Variants in ZNF777 observed in about 807,000 individuals in gnomAD.
ZNF777 encodes the protein zinc finger protein 777.
In ZNF777, 7 loss-of-function variants were observed where a neutral mutation model predicts 72.1. The ratio of observed to expected loss-of-function variants is 0.10; its 90% CI spans 0.06 to 0.18. ZNF777 has a LOEUF of 0.18. ZNF777 is among the 10% of genes least tolerant of loss of function. The probability of loss-of-function intolerance (pLI) is 1.00; values close to 1 mark genes in which losing one functional copy is unlikely to be tolerated. For missense variants in ZNF777, 828 were observed against 1,128.6 expected (o/e 0.73, Z 3.82); for synonymous variants, 545 against 483.5 (o/e 1.13, Z -1.67).
chr7:149,436,746 T>C lies in ZNF777; in HGVS notation c.1168A>G (p.Met390Val), dbSNP rs755683532. 8.7e-6 allele frequency: 14 copies of C among 1,614,150 alleles called. No homozygotes were observed. The highest frequency in any genetic ancestry group is 1.1e-5 in the Non-Finnish European group (13 of 1,180,030). ...SESLETPEPL[M>V]GQVEEHGFQD... ...AAGCCGTGCTCTTCCACCTGTCCCA[T>C]CAGGGGCTCAGGTGTCTCCAAACTT... The change falls in exon 5 of 6, where the codon ATG becomes GTG. Residue 390 changes from methionine to valine, a missense_variant. Around this residue, in one of 12 missense-constraint regions of ZNF777, gnomAD observed 219 missense variants for 223.0 expected, o/e 0.98. Transcript: ENST00000247930. The surrounding 1 kb of genome is among the most constrained non-coding windows in gnomAD (Gnocchi z 5.0).
At chr7:149,441,625 A>C (rs1300544960) in intron 4 of ZNF777, among the ~76,000 whole-genome samples, 3 of 152,182 alleles carry the variant, frequency 2.0e-5, no homozygotes, top group Non-Finnish European at 4.4e-5. Flanking sequence ...TTGGTTTTTA[A>C]TCTTTGTAAT....
At chr7:149,451,320 G>A (rs150537871) in intron 3 of ZNF777, among the ~76,000 whole-genome samples, 58 of 152,150 alleles carry the variant, frequency 3.8e-4, no homozygotes, top group African/African-American at 1.3e-3. Flanking sequence ...TAGAGGGATC[G>A]TGTTGCTCAG....
chr7:149,435,529 T>A (rs779473103), intron 5 of ZNF777, among the ~76,000 whole-genome samples: 2 of 152,160 alleles, frequency 1.3e-5, no homozygotes, highest in African/African-American at 2.4e-5. Flanking sequence ...GGGTATTTTA[T>A]TAAGTGCAAA....
At chr7:149,458,930 C>T (rs1456429332) in intron 1 of ZNF777, among the ~76,000 whole-genome samples, 1 of 152,188 alleles carries the variant, frequency 6.6e-6, no homozygotes, top group Non-Finnish European at 1.5e-5. Flanking sequence ...CCCGACGGAT[C>T]AGGAGTGGAT....
At chr7:149,444,175 T>C (rs758496575) in intron 4 of ZNF777, among the ~76,000 whole-genome samples, 21 of 152,334 alleles carry the variant, frequency 1.4e-4, no homozygotes, top group Non-Finnish European at 2.9e-4. Context: ...CTAGATTATA[T>C]CAATGTTATT....
At chr7:149,449,132 C>T (rs535307354) in intron 4 of ZNF777, among the ~76,000 whole-genome samples, 1 of 152,334 alleles carries the variant, frequency 6.6e-6, no homozygotes, top group East Asian at 1.9e-4. Context: ...GCAGAACCAG[C>T]CTGCAATGGC....
Position 149,432,832 on chromosome 7 carries a change from C to A in ZNF777, c.1440G>T (p.Gly480=), listed in dbSNP as rs754824361. Residue 480 remains glycine (G), a synonymous_variant, in exon 6 of 6, where the codon GGG becomes GGT. Coordinates refer to ENST00000247930, the MANE Select transcript of ZNF777 (RefSeq NM_015694.3). ...QHLQSLGQLS[G]RYEASMYQTP... is the part of the protein sequence containing the mutation. ...TCTGGTACATACTGGCCTCATATCT[C>A]CCGGACAGCTGCCCAAGGGATTGCA... 6.3e-7 allele frequency: 1 copy of A among 1,595,146 alleles called. No homozygotes were observed. The highest frequency in any genetic ancestry group is 8.6e-7 in the Non-Finnish European group (1 of 1,168,400).
intron 3 of ZNF777, 22 bp from the exon 4 acceptor site, chr7:149,451,134 A>C: frequency 6.2e-7 from 1 of 1,603,408 alleles, no homozygotes; most frequent in East Asian, 2.2e-5. Flanking sequence ...AAAGGGAAAA[A>C]AATATGCTCT....
chr7:149,458,609 C>T (rs1263815476), intron 1 of ZNF777, among the ~76,000 whole-genome samples: 1 of 152,178 alleles, frequency 6.6e-6, no homozygotes, highest in Non-Finnish European at 1.5e-5. Flanking sequence ...CAAATCAGAG[C>T]TCAAAGGAAA....
Position 149,432,379 on chromosome 7 carries a change from A to G in ZNF777, c.1893T>C (p.Gly631=). ...PKSPSSGSGG[G]GPKPYKCPEC... ...CGGGGCACTTGTAGGGCTTAGGGCC[A>G]CCGCCGCCGCTACCAGAGCTGGGTG... The change falls in exon 6 of 6, where the codon GGT becomes GGC. Residue 631 remains glycine (G), a synonymous_variant. Transcript: ENST00000247930. 1 of 1,612,808 alleles carries G rather than the reference A, an allele frequency of 6.2e-7. No individual in the cohort carries two copies. The highest frequency in any genetic ancestry group is 8.5e-7 in the Non-Finnish European group (1 of 1,179,946).
Position 149,436,647 on chromosome 7 carries a change from C to T in ZNF777, c.1267G>A (p.Glu423Lys). The change falls in exon 5 of 6, where the codon GAG becomes AAG. Residue 423 changes from glutamate to lysine, a missense_variant. By Grantham distance (56) the Glu-to-Lys change is moderately conservative (BLOSUM62 1). Coordinates refer to ENST00000247930, the MANE Select transcript of ZNF777 (RefSeq NM_015694.3). This position sits in a 1 kb window ranked among gnomAD's most constrained non-coding sequence, Gnocchi z 5.0. ...TCGCTGGAGCCTTCCGTGGACTCCT[C>T]CAGCGTGTTCTCTGGCTCCTGCATG... The part of the protein sequence containing the change: ...LDMQEPENTL[E>K]ESTEGSSEFS... The T allele has an allele frequency of 1.2e-6, 2 of 1,614,006 alleles. No homozygotes were observed. Among genetic ancestry groups the T allele is most frequent in the South Asian group, 1.1e-5 (1 of 91,090 alleles).
intron 4 of ZNF777, among the ~76,000 whole-genome samples, chr7:149,446,364 A>G (rs1799602723): frequency 6.6e-6 from 1 of 152,164 alleles, no homozygotes; most frequent in Non-Finnish European, 1.5e-5. Flanking sequence ...AACAAGAGCG[A>G]AACTCCATCT....
In ZNF777 at chr7:149,460,382, C is replaced by T. The variant is rs1799926536; in HGVS notation, c.-16+433G>A. On this transcript the variant is annotated intron_variant, in intron 1 of 5. Transcript: ENST00000247930. The surrounding 1 kb of genome is among the most constrained non-coding windows in gnomAD (Gnocchi z 6.1). ...CGAGCGGCGGCGTCGGAGCTGGGCG[C>T]GCGGCTGTGCGGGCGGCCCGGCCGG... is the stretch of plus-strand genomic sequence containing the variant. Among the ~76,000 whole-genome samples, 1 of 145,670 alleles carries T rather than the reference C, an allele frequency of 6.9e-6. No individual in the cohort carries two copies. Among genetic ancestry groups the T allele is most frequent in the African/African-American group, 2.5e-5 (1 of 40,654 alleles).
chr7:149,451,186 G>T lies in ZNF777; in HGVS notation c.974-74C>A, dbSNP rs141676346. On this transcript the variant is annotated intron_variant, in intron 3 of 5. Coordinates refer to ENST00000247930, the MANE Select transcript of ZNF777 (RefSeq NM_015694.3). ...GGATGTTGTTAAGGTATCATCTGTGGGCACGTGATTCCAGGAGCAGCTCCT... is the reference window on the plus strand; with the variant it reads ...GGATGTTGTTAAGGTATCATCTGTGTGCACGTGATTCCAGGAGCAGCTCCT... The T allele has an allele frequency of 1.3e-5, 17 of 1,318,164 alleles. No homozygotes were observed. In the East Asian group the frequency reaches 3.3e-4, roughly 25 times the overall value. 81.7% of individuals were successfully genotyped at this position (1,318,164 alleles called of 1,614,324 possible). A position where few individuals can be genotyped will look rare whatever the true frequency, so the allele number is the denominator to read the frequency against.
At chr7:149,454,320 C>T in intron 2 of ZNF777, 83 bp from the exon 3 acceptor site, 1 of 1,574,332 alleles carries the variant, frequency 6.4e-7, no homozygotes, top group Non-Finnish European at 8.7e-7. Flanking sequence ...GCCCAAACTC[C>T]TGGCTCTGGG....
At position 149,432,556 on chromosome 7, in the gene ZNF777, C is replaced by A; in HGVS notation, c.1716G>T (p.Gly572=). The A allele has an allele frequency of 6.2e-7, 1 of 1,613,780 alleles. No homozygotes were observed. Among genetic ancestry groups the A allele is most frequent in the South Asian group, 1.1e-5 (1 of 91,082 alleles). Reference sequence around the variant, plus strand: ...TCTCGCATTCGGCGCACTCGTAGGGCCCCTCCTTGATGTGGTTGCGCTGGT... The same window carrying A: ...TCTCGCATTCGGCGCACTCGTAGGGACCCTCCTTGATGTGGTTGCGCTGGT... The part of the protein sequence containing the change: ...IIHQRNHIKE[G]PYECAECEIS... The change falls in exon 6 of 6, where the codon GGG becomes GGT. Residue 572 remains glycine, a synonymous_variant. Transcript: ENST00000247930.
chr7:149,441,952 G>A (rs1003116385), intron 4 of ZNF777, among the ~76,000 whole-genome samples: 3 of 151,554 alleles, frequency 2.0e-5, no homozygotes, highest in African/African-American at 4.8e-5. Context: ...CACTTGATAC[G>A]AAACCCAGAT....
chr7:149,437,911 G>A (rs555047866), intron 4 of ZNF777, among the ~76,000 whole-genome samples: 120 of 144,774 alleles, frequency 8.3e-4, no homozygotes, highest in African/African-American at 2.4e-3. Flanking sequence ...ACGGAGTCTC[G>A]CTCTGTTGCC....
At chr7:149,452,632 C>CAAA (rs869183800) in intron 3 of ZNF777, among the ~76,000 whole-genome samples, 3 of 72,978 alleles carry the variant, frequency 4.1e-5, no homozygotes, top group African/African-American at 1.1e-4. Flanking sequence ...GACTCTGTCT[C>CAAA]AAAAAAAAAA....
Sources: allele counts gnomAD v4.1 joint callset (sites outside exome capture counted in the v4.1 genomes callset), GRCh38; gene constraint gnomAD v4.1.1; regional missense constraint gnomAD v4.1.1; non-coding constraint Gnocchi (gnomAD v3.1); transcripts MANE v1.5; gene names NCBI Gene and HGNC (gene_info 2026-07-23, HGNC 2026-07-21).